CCDC7: variants seen among roughly 807,000 people sequenced by gnomAD.
CCDC7 encodes the protein coiled-coil domain containing 7.
Under a neutral mutation model 196.9 loss-of-function variants are expected in CCDC7, and 183 were observed. The ratio of observed to expected loss-of-function variants is 0.93; its 90% CI spans 0.82 to 1.05. The LOEUF is 1.05. Ranked by LOEUF, CCDC7 falls within the 50% of genes least tolerant of loss-of-function variation. The pLI, the probability that CCDC7 is intolerant of heterozygous loss-of-function variation, is 0.00. For synonymous variants in CCDC7, 525 were observed against 484.6 expected, an observed-to-expected ratio of 1.08 and a Z score of -1.10; for missense variants, 1,540 against 1,482.2, an observed-to-expected ratio of 1.04 and a Z score of -0.64.
chr10:32,509,972 A>G (rs976761725), intron 9 of CCDC7, among the ~76,000 whole-genome samples: 2 of 152,220 alleles, frequency 1.3e-5, no homozygotes, highest in Non-Finnish European at 2.9e-5. Flanking sequence ...GGAAAACAGT[A>G]TGGAAGTGCA....
At chr10:32,546,299 TTAATCATTGCA>T (rs2052447720) in intron 13 of CCDC7, among the ~76,000 whole-genome samples, 1 of 152,206 alleles carries the variant, frequency 6.6e-6, no homozygotes, top group Non-Finnish European at 1.5e-5. Flanking sequence ...CTTAAAAATT[TTAATCATTGCA>T]TACCCTGTAA....
At chr10:32,784,641 G>A (rs1355743078) in intron 29 of CCDC7, among the ~76,000 whole-genome samples, 2 of 151,850 alleles carry the variant, frequency 1.3e-5, no homozygotes, top group African/African-American at 2.4e-5. Flanking sequence ...GCGCAATCTC[G>A]GCTCACTGCA....
intron 18 of CCDC7, among the ~76,000 whole-genome samples, chr10:32,612,391 C>G (rs1345132259): frequency 1.3e-5 from 2 of 152,154 alleles, no homozygotes; most frequent in Non-Finnish European, 2.9e-5. Flanking sequence ...TCCTCTCATC[C>G]TATTCGAATA....
intron 18 of CCDC7, among the ~76,000 whole-genome samples, chr10:32,600,942 T>G (rs1564791833): frequency 6.6e-6 from 1 of 152,220 alleles, no homozygotes; most frequent in African/African-American, 2.4e-5. Flanking sequence ...GGGAACATCT[T>G]AATTTTCTCT....
intron 21 of CCDC7, among the ~76,000 whole-genome samples, chr10:32,670,002 C>A (rs1255491714): frequency 6.6e-6 from 1 of 152,050 alleles, no homozygotes; most frequent in African/African-American, 2.4e-5. Flanking sequence ...ATTGGATGAT[C>A]AAATGTCTAT....
chr10:32,595,406 A>AT (rs1014483768), intron 18 of CCDC7, among the ~76,000 whole-genome samples: 4 of 151,974 alleles, frequency 2.6e-5, no homozygotes, highest in African/African-American at 4.8e-5. Context: ...CCCCTTTATA[A>AT]TTTTTTATTG....
chr10:32,605,504 A>T (rs2061481555), intron 18 of CCDC7, among the ~76,000 whole-genome samples: 1 of 152,228 alleles, frequency 6.6e-6, no homozygotes, highest in Admixed American at 6.5e-5. Flanking sequence ...AATGATTGTG[A>T]CGAAAATGCT....
At position 32,466,650 on chromosome 10, in the gene CCDC7, C is replaced by G. The variant is rs1299551948; in HGVS notation, c.510+3601C>G. Among the ~76,000 whole-genome samples the G allele has an allele frequency of 3.9e-5, 6 of 152,162 alleles. No individual in the cohort carries two copies. In the East Asian group the frequency reaches 1.2e-3, roughly 29 times the overall value. Reference sequence around the variant, plus strand: ...AGTATTCCATGGTATATATGTACCACGTTTTCTTTATCCAGTCAACCACTG... The same window carrying G: ...AGTATTCCATGGTATATATGTACCAGGTTTTCTTTATCCAGTCAACCACTG... On this transcript the variant is annotated intron_variant, in intron 5 of 41. Coordinates refer to ENST00000639629, the Ensembl canonical transcript of CCDC7.
intron 37 of CCDC7, 105 bp from the exon 39 acceptor site, chr10:32,847,724 AAAGG>A: frequency 1.4e-6 from 1 of 697,936 alleles, no homozygotes; most frequent in Admixed American, 2.9e-5. Context: ...CTAAAAAAAA[AAAGG>A]AAAAGAAAAG....
At chr10:32,563,961 A>T (rs1293057739) in intron 13 of CCDC7, among the ~76,000 whole-genome samples, 1 of 152,196 alleles carries the variant, frequency 6.6e-6, no homozygotes, top group Non-Finnish European at 1.5e-5. Context: ...CAAGAAAAAA[A>T]CAAACAACCC....
At chr10:32,719,074 C>T (rs549541477) in intron 25 of CCDC7, among the ~76,000 whole-genome samples, 7 of 152,132 alleles carry the variant, frequency 4.6e-5, no homozygotes, top group Non-Finnish European at 8.8e-5. Flanking sequence ...CAAGACAATC[C>T]TAAGCAAAAA....
intron 16 of CCDC7, among the ~76,000 whole-genome samples, chr10:32,579,258 A>G (rs1033847680): frequency 1.3e-5 from 2 of 152,080 alleles, no homozygotes; most frequent in African/African-American, 4.8e-5. Flanking sequence ...TTAACCAAAC[A>G]GACTAGCATT....
chr10:32,706,046 CA>C (rs1388218291), intron 24 of CCDC7, among the ~76,000 whole-genome samples: 4 of 151,986 alleles, frequency 2.6e-5, no homozygotes, highest in Admixed American at 6.6e-5. Context: ...GCACTTATTC[CA>C]AAATTGACTA....
At chr10:32,524,064 C>T (rs1343610209) in intron 11 of CCDC7, among the ~76,000 whole-genome samples, 1 of 119,048 alleles carries the variant, frequency 8.4e-6, no homozygotes, top group East Asian at 2.3e-4. Context: ...ATCTTTCTTC[C>T]TTCTGTCTTT....
exon 31 of CCDC7, chr10:32,814,450 C>G: frequency 1.2e-6 from 2 of 1,603,552 alleles, no homozygotes; most frequent in Non-Finnish European, 1.7e-6. Context: ...AAAGAGTCTC[C>G]CTGGTAAGAA....
chr10:32,469,820 A>G (rs61855998), intron 5 of CCDC7, among the ~76,000 whole-genome samples: 6,280 of 152,200 alleles, frequency 0.041, 196 homozygotes, highest in Non-Finnish European at 0.061. Context: ...TAGGAAGAAA[A>G]TCTTCTTCCT....
intron 18 of CCDC7, among the ~76,000 whole-genome samples, chr10:32,590,258 G>T (rs1252499081): frequency 6.6e-6 from 1 of 151,942 alleles, no homozygotes. Context: ...AGGTTACCAT[G>T]AGGCTTGCAA....
rs73255442 is a variant in CCDC7, at chr10:32,581,209, G to A, written c.1455-1825G>A. Among the ~76,000 whole-genome samples the A allele has an allele frequency of 6.5e-3, 982 of 152,230 alleles. 13 individuals carry two copies. Among genetic ancestry groups the A allele is most frequent in the African/African-American group, 0.023 (945 of 41,530 alleles). On this transcript the variant is annotated intron_variant, in intron 16 of 41. Transcript: ENST00000639629. ...CTCATAATTAGACTATTATACGGTAGTATTTAGACATGGAGTGATTATTAG... is the reference window on the plus strand; with the variant it reads ...CTCATAATTAGACTATTATACGGTAATATTTAGACATGGAGTGATTATTAG...
chr10:32,470,577 A>G (rs1284567258), intron 5 of CCDC7, among the ~76,000 whole-genome samples: 1 of 152,150 alleles, frequency 6.6e-6, no homozygotes, highest in East Asian at 1.9e-4. Flanking sequence ...ACAGCCAAAT[A>G]TGTCACAGTC....
Sources: gnomAD v4.1 joint callset for allele counts (sites outside exome capture counted in the v4.1 genomes callset) on GRCh38, gnomAD v4.1.1 for gene constraint, MANE v1.5 for transcripts, NCBI Gene and HGNC (gene_info 2026-07-23, HGNC 2026-07-21) for gene names.